SOHLH2: variants seen among roughly 807,000 people sequenced by gnomAD.
SOHLH2 encodes the protein spermatogenesis- and oogenesis-specific basic helix-loop-helix-containing protein 2.
Under a neutral mutation model 50.4 loss-of-function variants are expected in SOHLH2, and 22 were observed. That is an observed-to-expected ratio of 0.44 (90% CI 0.31 to 0.62). SOHLH2 has a LOEUF of 0.62. Among genes scored for constraint, SOHLH2 ranks in the 20% least tolerant of loss-of-function variants. SOHLH2 has a pLI of 0.08. For synonymous variants in SOHLH2, 185 were observed against 187.3 expected, an observed-to-expected ratio of 0.99 and a Z score of 0.10; for missense variants, 412 against 504.4, an observed-to-expected ratio of 0.82 and a Z score of 1.76.
At chr13:36,197,845 A>G (rs1039960990) in intron 2 of SOHLH2, among the ~76,000 whole-genome samples, 12 of 152,200 alleles carry the variant, frequency 7.9e-5, no homozygotes, top group African/African-American at 2.7e-4. Context: ...TAGAAGTTAT[A>G]AAGACCTGGA....
intron 6 of SOHLH2, among the ~76,000 whole-genome samples, chr13:36,186,425 C>A (rs1235531798): frequency 1.3e-5 from 2 of 152,152 alleles, no homozygotes; most frequent in Non-Finnish European, 1.5e-5. Context: ...GTGTCTCAAA[C>A]AAACAAGGAC....
At chr13:36,207,040 A>C (rs1053092254) in intron 1 of SOHLH2, among the ~76,000 whole-genome samples, 64 of 151,826 alleles carry the variant, frequency 4.2e-4, no homozygotes, top group African/African-American at 1.5e-3. Flanking sequence ...TTAGTTCTTC[A>C]TACCCCCTTA....
intron 6 of SOHLH2, among the ~76,000 whole-genome samples, chr13:36,183,836 T>G (rs1312277862): frequency 6.6e-6 from 1 of 152,166 alleles, no homozygotes; most frequent in Admixed American, 6.5e-5. Flanking sequence ...TATCATTTCC[T>G]TAGGATAAGT....
chr13:36,192,702 T>C (rs1887611236), intron 4 of SOHLH2, among the ~76,000 whole-genome samples: 1 of 152,198 alleles, frequency 6.6e-6, no homozygotes, highest in Non-Finnish European at 1.5e-5. Context: ...GTTGATAATA[T>C]ACATATATAT....
intron 6 of SOHLH2, among the ~76,000 whole-genome samples, chr13:36,175,127 C>T (rs1887066189): frequency 6.6e-6 from 1 of 152,218 alleles, no homozygotes; most frequent in African/African-American, 2.4e-5. Flanking sequence ...CGATGGCAGC[C>T]CCAGCTCTCT....
intron 1 of SOHLH2, among the ~76,000 whole-genome samples, chr13:36,209,751 C>T (rs7994245): frequency 0.81 from 122,882 of 152,222 alleles, 49,871 homozygotes; most frequent in East Asian, 1. Context: ...TGTGTGCATT[C>T]GTCTAGTTCT....
intron 6 of SOHLH2, among the ~76,000 whole-genome samples, chr13:36,184,460 CTTTTTTTT>C (rs1229884029): frequency 8.3e-6 from 1 of 121,138 alleles, no homozygotes; most frequent in East Asian, 2.3e-4. Flanking sequence ...CTACAAAGAC[CTTTTTTTT>C]TTTTTTTTTT....
In SOHLH2 at chr13:36,191,912, G is replaced by A; in HGVS notation, c.431-18C>T. ...AGTCTTAACTGAAAGTTTTGAGAGGGGAACTATTTATTTCTGAAGTCACTT... is the reference window on the plus strand; with the variant it reads ...AGTCTTAACTGAAAGTTTTGAGAGGAGAACTATTTATTTCTGAAGTCACTT... On this transcript the variant is annotated intron_variant, in intron 4 of 10. Transcript: ENST00000379881. 3 of 1,613,466 alleles carry A rather than the reference G, an allele frequency of 1.9e-6. No individual in the cohort carries two copies. Among genetic ancestry groups the A allele is most frequent in the Non-Finnish European group, 2.5e-6 (3 of 1,179,558 alleles).
At chr13:36,192,015 A>G in intron 4 of SOHLH2, 121 bp from the exon 5 acceptor site, 1 of 1,122,532 alleles carries the variant, frequency 8.9e-7, no homozygotes, top group Middle Eastern at 2.0e-4. Context: ...TTTACAAAGC[A>G]GTATTTTTAA....
chr13:36,210,682 T>C (rs570649132), intron 1 of SOHLH2, among the ~76,000 whole-genome samples: 1 of 152,316 alleles, frequency 6.6e-6, no homozygotes, highest in South Asian at 2.1e-4. Context: ...CTCCTTCACC[T>C]GCAGTACCCT....
Position 36,174,733 on chromosome 13 carries a change from C to G in SOHLH2, c.778G>C (p.Val260Leu). Residue 260 changes from valine (V) to leucine (L), a missense_variant, in exon 7 of 11, where the codon GTT (valine) becomes CTT (leucine). By Grantham distance (32) the Val-to-Leu change is conservative. Coordinates refer to ENST00000379881, the MANE Select transcript of SOHLH2 (RefSeq NM_017826.3). ...TGGGAGTCAAATACCTGGGCCATAA[C>G]GGCTGGAGAGATTTTCTCCCGGATA... The part of the protein sequence containing the change: ...KYIREKISPA[V>L]MAQITEALQS... 6.2e-7 allele frequency: 1 copy of G among 1,605,972 alleles called. No individual in the cohort carries two copies. Among genetic ancestry groups the G allele is most frequent in the South Asian group, 1.1e-5 (1 of 88,924 alleles).
intron 9 of SOHLH2, among the ~76,000 whole-genome samples, chr13:36,173,120 T>C (rs1163102754): frequency 6.6e-6 from 1 of 152,216 alleles, no homozygotes; most frequent in Non-Finnish European, 1.5e-5. Flanking sequence ...GAGCCCCTCC[T>C]GTATGTTGGT....
At chr13:36,196,383 C>A (rs1887731135) in intron 2 of SOHLH2, among the ~76,000 whole-genome samples, 1 of 152,098 alleles carries the variant, frequency 6.6e-6, no homozygotes, top group Non-Finnish European at 1.5e-5. Flanking sequence ...GCTTCAACCT[C>A]CCAAAGTGCT....
At chr13:36,169,377 G>A (rs551652126) in intron 10 of SOHLH2, among the ~76,000 whole-genome samples, 21 of 152,178 alleles carry the variant, frequency 1.4e-4, no homozygotes, top group African/African-American at 4.1e-4. Context: ...GATATCTGTA[G>A]ACACTACATA....
At chr13:36,174,370 G>A (rs926992937) in intron 8 of SOHLH2, 106 bp downstream of exon 8, 2 of 1,451,938 alleles carry the variant, frequency 1.4e-6, no homozygotes. Flanking sequence ...CCCTTAATAA[G>A]CCCCTGCACT....
chr13:36,213,880 G>A (rs1056890335), intron 1 of SOHLH2, among the ~76,000 whole-genome samples: 18 of 152,136 alleles, frequency 1.2e-4, no homozygotes, highest in Middle Eastern at 6.8e-3. Context: ...GGAAAATAAC[G>A]CGCCTAAATA....
At chr13:36,189,297 A>T (rs763275131) in intron 6 of SOHLH2, among the ~76,000 whole-genome samples, 1 of 152,130 alleles carries the variant, frequency 6.6e-6, no homozygotes, top group Non-Finnish European at 1.5e-5. Flanking sequence ...ATCCTTTAGC[A>T]ACTGCCCAAC....
At chr13:36,169,717 G>T (rs943625391) in intron 10 of SOHLH2, among the ~76,000 whole-genome samples, 2 of 152,288 alleles carry the variant, frequency 1.3e-5, no homozygotes, top group South Asian at 2.1e-4. Context: ...AACAATGCAG[G>T]TATGACTGTT....
chr13:36,182,852 A>G (rs1011634274), intron 6 of SOHLH2: 13 of 153,732 alleles, frequency 8.5e-5, no homozygotes, highest in African/African-American at 2.9e-4. Flanking sequence ...TTTAAGCAAA[A>G]CAAATAACAA....
Sources: allele counts gnomAD v4.1 joint callset (sites outside exome capture counted in the v4.1 genomes callset), GRCh38; gene constraint gnomAD v4.1.1; transcripts MANE v1.5; gene names NCBI Gene and HGNC (gene_info 2026-07-23, HGNC 2026-07-21).